The following MOSPD2 variants were observed in gnomAD, a reference collection of about 807,000 sequenced individuals.
MOSPD2 encodes the protein motile sperm domain-containing protein 2.
A neutral mutation model predicts 41.7 loss-of-function variants in MOSPD2; 5 were observed. That is an observed-to-expected ratio of 0.12 (90% CI 0.06 to 0.25). The LOEUF (loss-of-function observed/expected upper bound fraction) is 0.25, where lower values mean the gene tolerates loss of function less well. Among genes scored for constraint, MOSPD2 ranks in the 10% least tolerant of loss-of-function variants. MOSPD2 has a pLI of 1.00. For synonymous variants in MOSPD2, 115 were observed against 126.9 expected, an observed-to-expected ratio of 0.91 and a Z score of 0.63; for missense variants, 282 against 375.2, an observed-to-expected ratio of 0.75 and a Z score of 2.05.
intron 7 of MOSPD2, among the ~76,000 whole-genome samples, chrX:14,903,576 A>AT (rs1462600251): frequency 9.0e-6 from 1 of 111,514 alleles, no homozygotes; most frequent in Non-Finnish European, 1.9e-5. Context: ...TTTTGGTAAA[A>AT]TTTTTTTGAA....
At chrX:14,918,115 T>C (rs1253653779) in intron 13 of MOSPD2, among the ~76,000 whole-genome samples, 3 of 112,280 alleles carry the variant, frequency 2.7e-5, no homozygotes, top group Non-Finnish European at 1.9e-5. Context: ...GGGAATATTT[T>C]GAAAGGGTAA....
intron 2 of MOSPD2, among the ~76,000 whole-genome samples, chrX:14,888,373 T>C (rs1392933021): frequency 9.1e-6 from 1 of 110,442 alleles, no homozygotes; most frequent in African/African-American, 3.3e-5. Context: ...GTGATTGAAT[T>C]ATGGGGGCAG....
At chrX:14,909,958 A>G (rs1173972303) in intron 8 of MOSPD2, among the ~76,000 whole-genome samples, 1 of 110,678 alleles carries the variant, frequency 9.0e-6, no homozygotes, top group East Asian at 2.8e-4. Flanking sequence ...ATTTTTAATA[A>G]TTTGCTCATA....
intron 2 of MOSPD2, among the ~76,000 whole-genome samples, chrX:14,892,252 T>A (rs182887916): frequency 1.8e-3 from 196 of 111,830 alleles, no homozygotes; most frequent in Middle Eastern, 0.014. Context: ...ATGGTGTCAA[T>A]ATCTGCTTCT....
Position 14,910,568 on chromosome X carries a change from A to G in MOSPD2, c.703-669A>G, listed in dbSNP as rs189652263. On this transcript the variant is annotated intron_variant, in intron 8 of 14. Coordinates refer to ENST00000380492, the MANE Select transcript of MOSPD2 (RefSeq NM_152581.4). ...TTTTGCTGCAGTGAATATCCTTGTA[A>G]TAATTCTTAATATATGTGTGCAGCG... is the stretch of plus-strand genomic sequence containing the variant. Among the ~76,000 whole-genome samples, 184 of 111,683 alleles carry G rather than the reference A, an allele frequency of 1.6e-3. 2 individuals are homozygous for G. The highest frequency in any genetic ancestry group is 1.6e-3 in the Non-Finnish European group (84 of 53,077).
At chrX:14,917,830 G>C (rs2092602922) in intron 13 of MOSPD2, among the ~76,000 whole-genome samples, 1 of 111,272 alleles carries the variant, frequency 9.0e-6, no homozygotes, top group South Asian at 3.8e-4. Flanking sequence ...GACCACCCTT[G>C]GCAACATAGG....
chrX:14,881,216 A>G lies in MOSPD2; in HGVS notation c.79+7458A>G, dbSNP rs141356233. Among the ~76,000 whole-genome samples, 808 of 109,964 alleles carry G rather than the reference A, an allele frequency of 7.3e-3. 12 individuals carry two copies. Among genetic ancestry groups the G allele is most frequent in the African/African-American group, 0.024 (739 of 30,257 alleles). The stretch of plus-strand genomic sequence containing the variant: ...TTGGTAGTAAACTTTCTTGGTCTTG[A>G]AAATAGCTTTATTTTGTCCTTTTTT... On this transcript the variant is annotated intron_variant, in intron 2 of 14. Transcript: ENST00000380492.
intron 10 of MOSPD2, 52 bp downstream of exon 10, chrX:14,912,413 C>A: frequency 1.3e-6 from 1 of 765,619 alleles, no homozygotes; most frequent in Non-Finnish European, 1.8e-6. Context: ...TCTTGATCAC[C>A]TTGAGGGAGC....
At chrX:14,897,353 G>A in intron 5 of MOSPD2, 115 bp downstream of exon 5, 1 of 571,265 alleles carries the variant, frequency 1.8e-6, no homozygotes, top group Non-Finnish European at 2.7e-6. Context: ...CTTATATTAG[G>A]GATTTATTTT....
In MOSPD2 at chrX:14,890,286, G is replaced by A. The variant is rs1211250771; in HGVS notation, c.80-2437G>A. ...ACCCTTGAGTACATGTCCTTTCAAT[G>A]TTCTGTGTGACAAAATCGGGAAGTG... On this transcript the variant is annotated intron_variant, in intron 2 of 14. Coordinates refer to ENST00000380492, the MANE Select transcript of MOSPD2 (RefSeq NM_152581.4). 3.6e-5 allele frequency among the ~76,000 whole-genome samples: 4 copies of A among 111,593 alleles called. No homozygotes were observed. The East Asian group carries it at 1.1e-3, about 31-fold the overall frequency.
intron 2 of MOSPD2, among the ~76,000 whole-genome samples, chrX:14,875,702 G>T (rs954276457): frequency 2.7e-5 from 3 of 111,704 alleles, no homozygotes; most frequent in Admixed American, 9.5e-5. Context: ...TTCAATTTCG[G>T]ACTTTTCCAC....
In MOSPD2 at chrX:14,873,458, G is replaced by GA. The variant is rs1331580110; in HGVS notation, c.-70dup. On this transcript the variant is annotated 5_prime_UTR_variant, in exon 1 of 15. It adds an upstream start codon to the 5' untranslated region. Transcript: ENST00000380492. ...CTACCTCTGGGCGGGACTGCCGGGT[G>GA]ATGAGATACTCGGTCGGCGACGGTA... 8.3e-7 allele frequency: 1 copy of GA among 1,202,958 alleles called. No individual in the cohort carries two copies. The highest frequency in any genetic ancestry group is 2.2e-5 in the Admixed American group (1 of 45,942).
At chrX:14,897,319 T>C in intron 5 of MOSPD2, 81 bp downstream of exon 5, 2 of 845,812 alleles carry the variant, frequency 2.4e-6, no homozygotes, top group Non-Finnish European at 3.3e-6. Flanking sequence ...CAACCACATA[T>C]TGCTGTAAAA....
Position 14,899,607 on chromosome X carries a change from A to ACACACAC in MOSPD2, c.478-968_478-967insCACACAC, listed in dbSNP as rs1569103818. ...ACACACACACACACACACACACACA[A>ACACACAC]AGGTATTATTATATATATACCCATA... On this transcript the variant is annotated intron_variant, in intron 5 of 14. Coordinates refer to ENST00000380492, the MANE Select transcript of MOSPD2 (RefSeq NM_152581.4). Among the ~76,000 whole-genome samples the ACACACAC allele has an allele frequency of 2.9e-4, 18 of 62,135 alleles. No homozygotes were observed. In the East Asian group the frequency reaches 3.6e-3, roughly 12 times the overall value. The allele number at this position is 62,135 out of a possible 115,157, so 54.0% of individuals were successfully genotyped here.
At chrX:14,903,608 G>A (rs1433493119) in intron 7 of MOSPD2, among the ~76,000 whole-genome samples, 1 of 111,790 alleles carries the variant, frequency 8.9e-6, no homozygotes, top group African/African-American at 3.3e-5. Flanking sequence ...TTGATAAACT[G>A]TCTTGACCAA....
At position 14,916,212 on chromosome X, in the gene MOSPD2, C is replaced by T. The variant is rs968134247; in HGVS notation, c.1202C>T (p.Ala401Val). The T allele has an allele frequency of 2.5e-6, 3 of 1,211,677 alleles. No homozygotes were observed. Among genetic ancestry groups the T allele is most frequent in the African/African-American group, 1.7e-5 (1 of 57,796 alleles). ...TGGAATGCAGGTTTAACAGTCTCTG[C>T]CCAAGACCGTTTTCTGATAATGGCT... ...VSPHGGLTVS[A>V]QDRFLIMAAE... The change falls in exon 13 of 15, where the codon GCC (alanine) becomes GTC (valine). Residue 401 changes from alanine to valine, a missense_variant. Physicochemically the swap from Ala to Val is moderately conservative, Grantham distance 64. Coordinates refer to ENST00000380492, the MANE Select transcript of MOSPD2 (RefSeq NM_152581.4).
intron 7 of MOSPD2, among the ~76,000 whole-genome samples, chrX:14,905,440 A>G (rs906581627): frequency 9.0e-6 from 1 of 110,679 alleles, no homozygotes; most frequent in Non-Finnish European, 1.9e-5. Flanking sequence ...CAAGTCCCTC[A>G]TATAAAATCG....
intron 7 of MOSPD2, among the ~76,000 whole-genome samples, chrX:14,904,744 A>G (rs767796789): frequency 3.6e-5 from 4 of 112,077 alleles, no homozygotes; most frequent in East Asian, 2.8e-4. Context: ...ATGTGTGGCA[A>G]TGTGCATGGA....
intron 8 of MOSPD2, 49 bp downstream of exon 8, chrX:14,909,033 T>A (rs1249023729): frequency 9.9e-7 from 1 of 1,011,299 alleles, no homozygotes; most frequent in Non-Finnish European, 1.3e-6. Flanking sequence ...AATGGCACAT[T>A]AGGCTGTATA....
Sources: allele counts gnomAD v4.1 joint callset (sites outside exome capture counted in the v4.1 genomes callset), GRCh38; gene constraint gnomAD v4.1.1; transcripts MANE v1.5; gene names NCBI Gene and HGNC (gene_info 2026-07-23, HGNC 2026-07-21).